The following CCDC141 variants were observed in gnomAD, a reference collection of about 807,000 sequenced individuals.
The protein encoded by CCDC141 is coiled-coil domain-containing protein 141.
A neutral mutation model predicts 181.0 loss-of-function variants in CCDC141; 168 were observed. The observed-to-expected ratio is 0.93, with a 90% CI of 0.82 to 1.05. CCDC141 has a LOEUF of 1.05. Ranked by LOEUF, CCDC141 falls within the 50% of genes least tolerant of loss-of-function variation. The pLI, the probability that CCDC141 is intolerant of heterozygous loss-of-function variation, is 0.00. For synonymous variants in CCDC141, 666 were observed against 642.3 expected (o/e 1.04, Z -0.56); for missense variants, 1,902 against 1,788.5 (o/e 1.06, Z -1.14).
At chr2:178,918,365 G>A (rs559773466) in intron 7 of CCDC141, among the ~76,000 whole-genome samples, 3 of 152,156 alleles carry the variant, frequency 2.0e-5, no homozygotes, top group African/African-American at 7.2e-5. Flanking sequence ...CTATGATCAC[G>A]CCACTACACT....
intron 4 of CCDC141, among the ~76,000 whole-genome samples, chr2:178,968,787 A>G (rs1690748107): frequency 6.6e-6 from 1 of 152,170 alleles, no homozygotes; most frequent in African/African-American, 2.4e-5. Context: ...CAATAAATCA[A>G]TGAATCCAGG....
intron 6 of CCDC141, among the ~76,000 whole-genome samples, chr2:178,926,887 C>G (rs936172964): frequency 1.3e-5 from 2 of 152,122 alleles, no homozygotes; most frequent in Admixed American, 6.5e-5. Flanking sequence ...TGGAACATCA[C>G]TATGTACCCC....
intron 2 of CCDC141, among the ~76,000 whole-genome samples, chr2:179,044,971 C>CTT (rs11413791): frequency 0.047 from 7,070 of 150,220 alleles, 189 homozygotes; most frequent in Middle Eastern, 0.11. Flanking sequence ...TGGGGTTTTT[C>CTT]TTTTTTTTTC....
chr2:178,967,567 C>T (rs1172701999), intron 4 of CCDC141, among the ~76,000 whole-genome samples: 4 of 152,144 alleles, frequency 2.6e-5, no homozygotes, highest in African/African-American at 2.4e-5. Flanking sequence ...ACCAGGCCTG[C>T]CTTACAAGAG....
At chr2:178,987,164 C>T (rs1470075901) in intron 2 of CCDC141, among the ~76,000 whole-genome samples, 1 of 124,156 alleles carries the variant, frequency 8.1e-6, no homozygotes, top group African/African-American at 3.0e-5. Context: ...AATAATGCCG[C>T]ATATCTACAA....
At chr2:178,884,253 A>C (rs970564484) in intron 11 of CCDC141, among the ~76,000 whole-genome samples, 9 of 151,546 alleles carry the variant, frequency 5.9e-5, no homozygotes, top group Non-Finnish European at 8.8e-5. Context: ...AAAAAAAAAA[A>C]AACCAGAATC....
chr2:178,973,757 T>C (rs1246311514), intron 4 of CCDC141, among the ~76,000 whole-genome samples: 1 of 152,222 alleles, frequency 6.6e-6, no homozygotes, highest in Non-Finnish European at 1.5e-5. Context: ...GCATCCATCA[T>C]TGTCAGGTTT....
chr2:178,851,155 G>A (rs1365430902), intron 20 of CCDC141, among the ~76,000 whole-genome samples: 5 of 147,226 alleles, frequency 3.4e-5, no homozygotes, highest in East Asian at 2.0e-4. Flanking sequence ...TCAGTGAACC[G>A]AGATCATGCC....
chr2:178,940,396 T>G lies in CCDC141; in HGVS notation c.897+4139A>C, dbSNP rs138021312. 4.7e-3 allele frequency among the ~76,000 whole-genome samples: 722 copies of G among 152,316 alleles called. 1 individual carries two copies. The highest frequency in any genetic ancestry group is 0.017 in the African/African-American group (694 of 41,576). ...ATGGCAAAAAACAATATGAGATCTA[T>G]GGCTTCATTCTATTTATGCAAATGG... On this transcript the variant is annotated intron_variant, in intron 6 of 23. Transcript: ENST00000443758.
At chr2:179,035,547 G>A (rs2154387347) in intron 2 of CCDC141, among the ~76,000 whole-genome samples, 1 of 152,268 alleles carries the variant, frequency 6.6e-6, no homozygotes, top group East Asian at 1.9e-4. Context: ...TCTGCCCCAT[G>A]CAAGTCAGCT....
At chr2:178,893,989 A>G (rs912241143) in intron 8 of CCDC141, among the ~76,000 whole-genome samples, 1 of 152,126 alleles carries the variant, frequency 6.6e-6, no homozygotes, top group Non-Finnish European at 1.5e-5. Flanking sequence ...ACCAACATAT[A>G]TGTCCTATGT....
chr2:178,989,608 A>T, intron 2 of CCDC141, among the ~76,000 whole-genome samples: 1 of 130,804 alleles, frequency 7.6e-6, no homozygotes, highest in Non-Finnish European at 1.5e-5. Context: ...AAAAAAAAAA[A>T]TAAATAAATA....
intron 5 of CCDC141, among the ~76,000 whole-genome samples, chr2:178,952,828 C>G (rs1009049590): frequency 3.9e-5 from 6 of 152,192 alleles, no homozygotes; most frequent in African/African-American, 1.4e-4. Flanking sequence ...CCTTATTTGG[C>G]CTTATGCCAG....
At chr2:179,027,244 C>T (rs138955575) in intron 2 of CCDC141, among the ~76,000 whole-genome samples, 28 of 152,222 alleles carry the variant, frequency 1.8e-4, no homozygotes, top group African/African-American at 6.0e-4. Context: ...AATTCCCACA[C>T]GTCATGGGAG....
At chr2:178,934,742 A>G (rs538133791) in intron 6 of CCDC141, among the ~76,000 whole-genome samples, 28 of 152,342 alleles carry the variant, frequency 1.8e-4, no homozygotes, top group African/African-American at 6.7e-4. Flanking sequence ...CTAACAAGCC[A>G]TATACACCAG....
chr2:178,855,027 A>G (rs1685323490), intron 19 of CCDC141, among the ~76,000 whole-genome samples: 1 of 152,232 alleles, frequency 6.6e-6, no homozygotes, highest in Non-Finnish European at 1.5e-5. Context: ...GATATCCAGC[A>G]GTGAACATAA....
At chr2:179,046,690 C>T (rs1354385) in intron 2 of CCDC141, among the ~76,000 whole-genome samples, 2 of 152,050 alleles carry the variant, frequency 1.3e-5, no homozygotes, top group Admixed American at 6.5e-5. Flanking sequence ...TTGTATTTGC[C>T]CTGGGTCCCA....
intron 2 of CCDC141, among the ~76,000 whole-genome samples, chr2:179,024,837 G>A (rs1291442788): frequency 2.6e-5 from 4 of 151,984 alleles, no homozygotes; most frequent in African/African-American, 9.7e-5. Flanking sequence ...GTTGTTTAAT[G>A]GAAAAATGTT....
In CCDC141 at chr2:178,971,544, C is replaced by T. The variant is rs1690888220; in HGVS notation, c.526+3513G>A. Among the ~76,000 whole-genome samples the T allele has an allele frequency of 1.3e-5, 2 of 152,126 alleles. 1 individual carries two copies. Among genetic ancestry groups the T allele is most frequent in the South Asian group, 4.1e-4 (2 of 4,822 alleles). On this transcript the variant is annotated intron_variant, in intron 4 of 23. Transcript: ENST00000443758. The stretch of plus-strand genomic sequence containing the variant: ...CTCAAGGATCTAGAACTAGAAATAC[C>T]ATTTGGCCCAGCAATCCCATTACTG...
Sources: allele counts gnomAD v4.1 joint callset (sites outside exome capture counted in the v4.1 genomes callset), GRCh38; gene constraint gnomAD v4.1.1; transcripts MANE v1.5; gene names NCBI Gene and HGNC (gene_info 2026-07-23, HGNC 2026-07-21).